Variants in SAMD4A observed in about 807,000 individuals in gnomAD.
SAMD4A encodes the protein sterile alpha motif domain containing 4A, also known as protein Smaug homolog 1.
Under a neutral mutation model 81.3 loss-of-function variants are expected in SAMD4A, and 33 were observed. The ratio of observed to expected loss-of-function variants is 0.41; its 90% confidence interval spans 0.31 to 0.54. The LOEUF is 0.54. Ranked by LOEUF, SAMD4A falls within the 20% of genes least tolerant of loss-of-function variation. SAMD4A has a pLI of 0.37. For synonymous variants in SAMD4A, 389 were observed against 382.1 expected (o/e 1.02, Z -0.21); for missense variants, 854 against 951.1 (o/e 0.90, Z 1.34).
intron 2 of SAMD4A, among the ~76,000 whole-genome samples, chr14:54,691,078 G>A (rs1406403724): frequency 6.6e-6 from 1 of 152,190 alleles, no homozygotes; most frequent in African/African-American, 2.4e-5. Context: ...CCTGCACTGG[G>A]CTGTGTGGGT....
chr14:54,696,923 T>A (rs1276398328), intron 2 of SAMD4A: 1 of 152,204 alleles, frequency 6.6e-6, no homozygotes, highest in Non-Finnish European at 1.5e-5. Context: ...TGCACTTAAG[T>A]TTTCCACTGT....
At position 54,567,552 on chromosome 14, in the gene SAMD4A, G is replaced by A. The variant is rs983518800; in HGVS notation, c.-365G>A. On this transcript the variant is annotated 5_prime_UTR_variant, in exon 2 of 13. Transcript: ENST00000554335. ...AGGGTCCGAGTTGCCGCCCAGCGGG[G>A]AGGAGACCCCAGGACGCCGGAAATC... 3.9e-6 allele frequency: 1 copy of A among 256,932 alleles called. No homozygotes were observed. The highest frequency in any genetic ancestry group is 7.5e-6 in the Non-Finnish European group (1 of 134,148). 15.9% of individuals were successfully genotyped at this position (256,932 alleles called of 1,614,324 possible).
At chr14:54,719,099 G>A (rs1464451959) in intron 3 of SAMD4A, among the ~76,000 whole-genome samples, 1 of 152,120 alleles carries the variant, frequency 6.6e-6, no homozygotes, top group East Asian at 1.9e-4. Flanking sequence ...AGAACAGCCA[G>A]CTTAGACTCA....
intron 2 of SAMD4A, chr14:54,693,194 T>C (rs2036495738): frequency 6.6e-6 from 1 of 152,228 alleles, no homozygotes; most frequent in Admixed American, 6.5e-5. Context: ...CATGTTCCTG[T>C]TTTTATTTGA....
At chr14:54,637,448 G>A (rs1222137906) in intron 2 of SAMD4A, among the ~76,000 whole-genome samples, 1 of 151,766 alleles carries the variant, frequency 6.6e-6, no homozygotes, top group Non-Finnish European at 1.5e-5. Context: ...AGTGAGGTTG[G>A]CAGAAAGCCA....
At chr14:54,701,810 C>T (rs74791756) in intron 2 of SAMD4A, among the ~76,000 whole-genome samples, 4,904 of 152,262 alleles carry the variant, frequency 0.032, 113 homozygotes, top group Middle Eastern at 0.099. Flanking sequence ...GTAGTTGTAG[C>T]TTTTTTGGAA....
chr14:54,606,737 G>C (rs1398263234), intron 2 of SAMD4A, among the ~76,000 whole-genome samples: 1 of 152,220 alleles, frequency 6.6e-6, no homozygotes, highest in East Asian at 1.9e-4. Flanking sequence ...AATTTAGCAA[G>C]CTACATGGTA....
intron 2 of SAMD4A, among the ~76,000 whole-genome samples, chr14:54,673,069 G>A (rs1230570877): frequency 6.6e-6 from 1 of 152,228 alleles, no homozygotes; most frequent in Non-Finnish European, 1.5e-5. Context: ...TAAATGATGG[G>A]AAGTATTTGC....
chr14:54,788,825 G>C, intron 12 of SAMD4A, 91 bp from the exon 13 acceptor site: 1 of 1,510,496 alleles, frequency 6.6e-7, no homozygotes, highest in Non-Finnish European at 9.2e-7. Context: ...TCAGAGGCTG[G>C]GAGGCCCACC....
At chr14:54,746,910 A>G (rs1413802979) in intron 4 of SAMD4A, among the ~76,000 whole-genome samples, 2 of 152,250 alleles carry the variant, frequency 1.3e-5, no homozygotes, top group African/African-American at 4.8e-5. Flanking sequence ...TGAAAGCCAA[A>G]GCTGTAGTTA....
chr14:54,566,849 G>T (rs1380895065), upstream of SAMD4A, among the ~76,000 whole-genome samples: 1 of 152,078 alleles, frequency 6.6e-6, no homozygotes, highest in East Asian at 1.9e-4. Flanking sequence ...CGGCGCGGGG[G>T]AGCCGGGGCT....
chr14:54,781,841 C>T (rs1043808272), intron 11 of SAMD4A, among the ~76,000 whole-genome samples: 6 of 152,246 alleles, frequency 3.9e-5, no homozygotes, highest in East Asian at 1.9e-4. Context: ...CTGTTTTCCA[C>T]CCAACTGGTC....
intron 2 of SAMD4A, among the ~76,000 whole-genome samples, chr14:54,663,359 G>T (rs868738003): frequency 1.3e-5 from 2 of 152,008 alleles, no homozygotes; most frequent in African/African-American, 4.8e-5. Flanking sequence ...GATAGACCGC[G>T]GTCTAAAGTA....
In SAMD4A at chr14:54,712,176, A is replaced by G. The variant is rs536345628; in HGVS notation, c.715+9596A>G. 7.2e-5 allele frequency among the ~76,000 whole-genome samples: 11 copies of G among 152,214 alleles called. No individual in the cohort carries two copies. In the South Asian group the frequency reaches 2.3e-3, roughly 32 times the overall value. On this transcript the variant is annotated intron_variant, in intron 3 of 12. Coordinates refer to ENST00000554335, the MANE Select transcript of SAMD4A (RefSeq NM_015589.6). ...GATTCTATCTTGCAGGCTGCAGGTC[A>G]TCCCCACCCAAAGCCTTTGGAGCCA...
chr14:54,765,666 C>T (rs1158223596), intron 8 of SAMD4A, among the ~76,000 whole-genome samples: 1 of 152,144 alleles, frequency 6.6e-6, no homozygotes, highest in Non-Finnish European at 1.5e-5. Flanking sequence ...GCCTCCTCAC[C>T]TTTGCTGCAT....
chr14:54,743,801 C>T (rs112712453), intron 4 of SAMD4A, among the ~76,000 whole-genome samples: 258 of 152,300 alleles, frequency 1.7e-3, no homozygotes, highest in African/African-American at 4.6e-3. Flanking sequence ...CCAGCTCCAA[C>T]GAGGCCCAAG....
At chr14:54,726,444 A>G (rs1267535453) in intron 3 of SAMD4A, among the ~76,000 whole-genome samples, 3 of 152,218 alleles carry the variant, frequency 2.0e-5, no homozygotes, top group African/African-American at 4.8e-5. Flanking sequence ...TCCAAAGCAA[A>G]TAAGATAATC....
At chr14:54,638,992 A>G (rs2035102170) in intron 2 of SAMD4A, among the ~76,000 whole-genome samples, 1 of 152,098 alleles carries the variant, frequency 6.6e-6, no homozygotes, top group South Asian at 2.1e-4. Context: ...AGGTTTATTA[A>G]CCTTAGGGCA....
intron 2 of SAMD4A, among the ~76,000 whole-genome samples, chr14:54,635,149 G>A (rs942773060): frequency 5.3e-5 from 8 of 152,308 alleles, no homozygotes; most frequent in Admixed American, 3.9e-4. Context: ...CCAGCTGGGC[G>A]CTGTGGCTCA....
Sources: allele counts gnomAD v4.1 joint callset (sites outside exome capture counted in the v4.1 genomes callset), GRCh38; gene constraint gnomAD v4.1.1; transcripts MANE v1.5; gene names NCBI Gene and HGNC (gene_info 2026-07-23, HGNC 2026-07-21).